PDE10A: variants seen among roughly 807,000 people sequenced by gnomAD.
PDE10A encodes cAMP and cAMP-inhibited cGMP 3',5'-cyclic phosphodiesterase 10A.
In PDE10A, 39 loss-of-function variants were observed where a neutral mutation model predicts 97.7. That is an observed-to-expected ratio of 0.40 (90% CI 0.31 to 0.52). The LOEUF (loss-of-function observed/expected upper bound fraction) is 0.52, where lower values mean the gene tolerates loss of function less well. Among genes scored for constraint, PDE10A ranks in the 20% least tolerant of loss-of-function variants. The pLI is 0.56. For missense variants in PDE10A, 731 were observed against 1,047.8 expected (o/e 0.70, Z 4.17); for synonymous variants, 371 against 376.8 (o/e 0.98, Z 0.18).
intron 1 of PDE10A, among the ~76,000 whole-genome samples, chr6:165,615,256 C>A (rs1002421161): frequency 6.6e-6 from 1 of 151,020 alleles, no homozygotes; most frequent in Admixed American, 6.6e-5. Context: ...AAAAGAAATA[C>A]ATGTAAAATA....
At chr6:165,912,807 C>T (rs901359050) in intron 1 of PDE10A, among the ~76,000 whole-genome samples, 16 of 152,132 alleles carry the variant, frequency 1.1e-4, no homozygotes, top group Middle Eastern at 3.2e-3. Flanking sequence ...TCACAGGAAG[C>T]GAACCCTCTA....
At chr6:165,746,408 G>T (rs1244888403) in intron 1 of PDE10A, among the ~76,000 whole-genome samples, 1 of 152,174 alleles carries the variant, frequency 6.6e-6, no homozygotes, top group East Asian at 1.9e-4. Flanking sequence ...TGAACAAGCT[G>T]GTCAAAGTCT....
rs970167904 is a variant in PDE10A at position 165,330,809 on chromosome 6, T to C, written c.*2216A>G. Reference sequence around the variant, plus strand: ...GTAATTAAACAATAATCTTAAATAATATATCCCTTCCTGAAATTCCATCTC... The same window carrying C: ...GTAATTAAACAATAATCTTAAATAACATATCCCTTCCTGAAATTCCATCTC... On this transcript the variant is annotated 3_prime_UTR_variant, in exon 22 of 22. Transcript: ENST00000539869. The C allele has an allele frequency of 2.0e-5, 3 of 152,312 alleles. No individual in the cohort carries two copies. The East Asian group carries it at 5.8e-4, about 29-fold the overall frequency. The allele number at this position is 152,312 out of a possible 1,614,324, so 9.4% of individuals were successfully genotyped here. A position where few individuals can be genotyped will look rare whatever the true frequency, so the allele number is the denominator to read the frequency against.
intron 3 of PDE10A, among the ~76,000 whole-genome samples, chr6:165,471,251 A>C (rs906066604): frequency 5.9e-5 from 9 of 152,148 alleles, no homozygotes; most frequent in Non-Finnish European, 1.3e-4. Flanking sequence ...TCTTGTGTTC[A>C]GTCTTCCTTT....
At chr6:165,705,276 C>T (rs912635368) in intron 1 of PDE10A, among the ~76,000 whole-genome samples, 11 of 152,344 alleles carry the variant, frequency 7.2e-5, no homozygotes, top group African/African-American at 1.4e-4. Context: ...TAAATCCCTC[C>T]GAAAGGAGCA....
chr6:165,752,821 G>A (rs1414878591), intron 1 of PDE10A, among the ~76,000 whole-genome samples: 1 of 152,298 alleles, frequency 6.6e-6, no homozygotes, highest in African/African-American at 2.4e-5. Context: ...GCTATGCAGA[G>A]GCTGACACAT....
chr6:165,568,211 C>T (rs372257996), intron 1 of PDE10A, among the ~76,000 whole-genome samples: 2 of 151,796 alleles, frequency 1.3e-5, no homozygotes, highest in African/African-American at 2.4e-5. Flanking sequence ...ATGTTAGACA[C>T]GATGGTCTAG....
chr6:165,882,929 A>T (rs1375828225), intron 1 of PDE10A, among the ~76,000 whole-genome samples: 1 of 152,130 alleles, frequency 6.6e-6, no homozygotes, highest in Non-Finnish European at 1.5e-5. Flanking sequence ...CACCTATCAC[A>T]ATTAGAAATT....
intron 18 of PDE10A, among the ~76,000 whole-genome samples, chr6:165,372,072 G>A (rs557578555): frequency 6.0e-5 from 9 of 150,346 alleles, no homozygotes; most frequent in African/African-American, 1.2e-4. Context: ...TTGATAGGAC[G>A]TATCTCAAAA....
At chr6:165,863,645 ATTAC>A (rs1780965462) in intron 1 of PDE10A, among the ~76,000 whole-genome samples, 1 of 152,170 alleles carries the variant, frequency 6.6e-6, no homozygotes, top group South Asian at 2.1e-4. Flanking sequence ...ATATTTCACA[ATTAC>A]TTAATTGTAT....
At chr6:165,769,761 T>G (rs1300256671) in intron 1 of PDE10A, among the ~76,000 whole-genome samples, 1 of 152,118 alleles carries the variant, frequency 6.6e-6, no homozygotes, top group Non-Finnish European at 1.5e-5. Context: ...TTTTACAACA[T>G]GGAATAGAGC....
chr6:165,871,119 T>C (rs1472753376), intron 1 of PDE10A, among the ~76,000 whole-genome samples: 1 of 152,218 alleles, frequency 6.6e-6, no homozygotes, highest in Non-Finnish European at 1.5e-5. Context: ...AAAGAAATGA[T>C]AGATGTTTGA....
intron 2 of PDE10A, among the ~76,000 whole-genome samples, chr6:165,532,863 A>T (rs1782865297): frequency 6.6e-6 from 1 of 152,034 alleles, no homozygotes; most frequent in African/African-American, 2.4e-5. Flanking sequence ...CCCATTTAAC[A>T]CTTGCTTACA....
At chr6:165,869,513 T>G (rs1261727577) in intron 1 of PDE10A, among the ~76,000 whole-genome samples, 1 of 152,068 alleles carries the variant, frequency 6.6e-6, no homozygotes, top group African/African-American at 2.4e-5. Context: ...TTAAAATGAC[T>G]GTACTACTCA....
intron 3 of PDE10A, among the ~76,000 whole-genome samples, chr6:165,450,811 C>T (rs1027197308): frequency 6.6e-6 from 1 of 152,138 alleles, no homozygotes; most frequent in African/African-American, 2.4e-5. Context: ...GATCCCTCTG[C>T]CTCAGACTCT....
intron 1 of PDE10A, among the ~76,000 whole-genome samples, chr6:165,791,547 G>A (rs111777015): frequency 5.9e-5 from 9 of 152,120 alleles, no homozygotes; most frequent in East Asian, 1.9e-4. Context: ...CAACCTCCCC[G>A]ATTTCTGTCC....
At chr6:165,880,563 A>G (rs750654899) in intron 1 of PDE10A, among the ~76,000 whole-genome samples, 6 of 152,108 alleles carry the variant, frequency 3.9e-5, no homozygotes, top group African/African-American at 7.2e-5. Flanking sequence ...TTTTTTTCTA[A>G]CCATACATTT....
rs922473916 is a variant in PDE10A, at chr6:165,327,301, T to C, written c.*5724A>G. 1.3e-5 allele frequency: 2 copies of C among 152,228 alleles called. No individual in the cohort carries two copies. Among genetic ancestry groups the C allele is most frequent in the African/African-American group, 2.4e-5 (1 of 41,468 alleles). The allele number at this position is 152,228 out of a possible 1,614,324, so 9.4% of individuals were successfully genotyped here. On this transcript the variant is annotated 3_prime_UTR_variant, in exon 22 of 22. Transcript: ENST00000539869. ...TATACGTGAAAGATATTTTAAAAAC[T>C]CTGTATTCAATTATTCACACCAAAG...
intron 1 of PDE10A, among the ~76,000 whole-genome samples, chr6:165,639,597 G>A (rs1362732116): frequency 2.6e-5 from 4 of 152,024 alleles, no homozygotes; most frequent in African/African-American, 7.2e-5. Context: ...AAATCAGCCA[G>A]GCATGGTGAT....
Sources: gnomAD v4.1 joint callset for allele counts (sites outside exome capture counted in the v4.1 genomes callset) on GRCh38, gnomAD v4.1.1 for gene constraint, MANE v1.5 for transcripts, NCBI Gene and HGNC (gene_info 2026-07-23, HGNC 2026-07-21) for gene names.